Variants in SCAPER observed in about 807,000 individuals in gnomAD.
SCAPER encodes S-phase cyclin A associated protein in the ER.
Under a neutral mutation model 182.2 loss-of-function variants are expected in SCAPER, and 98 were observed. The observed-to-expected ratio is 0.54, with a 90% CI of 0.46 to 0.64. The LOEUF (loss-of-function observed/expected upper bound fraction) is 0.64. SCAPER is among the 30% of genes least tolerant of loss of function. SCAPER has a pLI of 0.00. For synonymous variants in SCAPER, 605 were observed against 564.6 expected (o/e 1.07, Z -1.01); for missense variants, 1,432 against 1,690.0 (o/e 0.85, Z 2.68).
At chr15:76,535,105 TAG>T (rs1444222678) in intron 23 of SCAPER, among the ~76,000 whole-genome samples, 1 of 152,196 alleles carries the variant, frequency 6.6e-6, no homozygotes, top group East Asian at 1.9e-4. Flanking sequence ...ATGCTGGAGT[TAG>T]ACACACTCAG....
intron 1 of SCAPER, among the ~76,000 whole-genome samples, chr15:76,888,572 A>T (rs2073989160): frequency 6.6e-6 from 1 of 152,210 alleles, no homozygotes; most frequent in African/African-American, 2.4e-5. Flanking sequence ...AAGAAAGGAT[A>T]TCAGTGATTG....
At position 76,685,115 on chromosome 15, in the gene SCAPER, A is replaced by C. The variant is rs2057955152; in HGVS notation, c.2508+16643T>G. The stretch of plus-strand genomic sequence containing the variant: ...GGAAATAAATATGTCACTATACTAA[A>C]AGATTAAACAACAAATCCATAAGCC... On this transcript the variant is annotated intron_variant, in intron 20 of 31. Transcript: ENST00000563290. 2.6e-5 allele frequency among the ~76,000 whole-genome samples: 4 copies of C among 152,056 alleles called. No individual in the cohort carries two copies. In the South Asian group the frequency reaches 8.3e-4, roughly 31 times the overall value.
chr15:76,711,028 A>G (rs1441522099), intron 17 of SCAPER, among the ~76,000 whole-genome samples: 1 of 152,136 alleles, frequency 6.6e-6, no homozygotes, highest in Non-Finnish European at 1.5e-5. Flanking sequence ...ATCTATATGC[A>G]AACAAATAAA....
chr15:76,747,577 G>C (rs1287932018), intron 15 of SCAPER, among the ~76,000 whole-genome samples: 1 of 152,106 alleles, frequency 6.6e-6, no homozygotes, highest in African/African-American at 2.4e-5. Flanking sequence ...AATGGGAAGT[G>C]TTTGGGTCAT....
intron 16 of SCAPER, among the ~76,000 whole-genome samples, chr15:76,730,013 T>C (rs546732595): frequency 6.6e-6 from 1 of 152,272 alleles, no homozygotes; most frequent in East Asian, 1.9e-4. Flanking sequence ...TTGGGCAAAG[T>C]ACTTCACCTT....
intron 29 of SCAPER, among the ~76,000 whole-genome samples, chr15:76,370,291 A>ATTTTTTTTT (rs10524497): frequency 1.3e-4 from 15 of 119,452 alleles, no homozygotes; most frequent in South Asian, 2.7e-4. Context: ...TACCATTTCA[A>ATTTTTTTTT]TTTTTTTTTT....
intron 21 of SCAPER, among the ~76,000 whole-genome samples, chr15:76,640,990 G>A (rs529872758): frequency 2.6e-5 from 4 of 152,218 alleles, no homozygotes; most frequent in African/African-American, 4.8e-5. Flanking sequence ...GCCTATAAAC[G>A]GAAGCATGAG....
At chr15:76,799,114 G>A (rs1054530975) in intron 7 of SCAPER, among the ~76,000 whole-genome samples, 3 of 152,096 alleles carry the variant, frequency 2.0e-5, no homozygotes, top group African/African-American at 7.2e-5. Context: ...AATGTAATTT[G>A]TATGACAATA....
At chr15:76,573,578 G>A (rs1041696943) in intron 23 of SCAPER, among the ~76,000 whole-genome samples, 1 of 151,960 alleles carries the variant, frequency 6.6e-6, no homozygotes, top group Non-Finnish European at 1.5e-5. Context: ...ATGTAAAAAA[G>A]TCCAATAAAA....
At chr15:76,472,615 C>T (rs2050278824) in intron 24 of SCAPER, among the ~76,000 whole-genome samples, 1 of 152,180 alleles carries the variant, frequency 6.6e-6, no homozygotes, top group South Asian at 2.1e-4. Context: ...ATCCACCCGC[C>T]TTGGCCTCTC....
chr15:76,557,176 C>A (rs1034831899), intron 23 of SCAPER, among the ~76,000 whole-genome samples: 6 of 152,126 alleles, frequency 3.9e-5, no homozygotes, highest in Admixed American at 1.3e-4. Flanking sequence ...CATGGCCATA[C>A]TGCCCAAAGC....
intron 5 of SCAPER, among the ~76,000 whole-genome samples, chr15:76,809,218 G>A (rs1269981760): frequency 6.6e-6 from 1 of 152,052 alleles, no homozygotes; most frequent in African/African-American, 2.4e-5. Flanking sequence ...AACACTAAGG[G>A]TCAAAGAAAA....
At chr15:76,569,141 A>C (rs906557623) in intron 23 of SCAPER, among the ~76,000 whole-genome samples, 1 of 152,102 alleles carries the variant, frequency 6.6e-6, no homozygotes, top group African/African-American at 2.4e-5. Flanking sequence ...TTTCAAAGGG[A>C]AAATTTTCAA....
chr15:76,706,525 G>C (rs1446165092), intron 17 of SCAPER, among the ~76,000 whole-genome samples: 1 of 152,096 alleles, frequency 6.6e-6, no homozygotes, highest in East Asian at 1.9e-4. Flanking sequence ...TAAAGGTTGA[G>C]GATAAAAATC....
chr15:76,582,523 T>C (rs1266455211), intron 22 of SCAPER, among the ~76,000 whole-genome samples: 1 of 152,230 alleles, frequency 6.6e-6, no homozygotes, highest in Non-Finnish European at 1.5e-5. Flanking sequence ...TATGAAGTAA[T>C]CTACAGTTTC....
At chr15:76,424,086 T>C (rs2046246207) in intron 26 of SCAPER, among the ~76,000 whole-genome samples, 1 of 152,232 alleles carries the variant, frequency 6.6e-6, no homozygotes, top group African/African-American at 2.4e-5. Context: ...CTGAGAAGAA[T>C]GTATATTCTG....
At chr15:76,639,985 T>C (rs540000830) in intron 21 of SCAPER, among the ~76,000 whole-genome samples, 2 of 152,324 alleles carry the variant, frequency 1.3e-5, no homozygotes, top group African/African-American at 2.4e-5. Context: ...TAGCCATACA[T>C]AGGCCTTGGG....
chr15:76,363,594 T>C, intron 29 of SCAPER, among the ~76,000 whole-genome samples: 1 of 152,130 alleles, frequency 6.6e-6, no homozygotes. Flanking sequence ...GAAATGTAAA[T>C]AGTTAAATTT....
chr15:76,426,723 C>T (rs1156608534), intron 26 of SCAPER, among the ~76,000 whole-genome samples: 1 of 152,060 alleles, frequency 6.6e-6, no homozygotes, highest in Admixed American at 6.6e-5. Context: ...TCCTAAAATT[C>T]ATAGAGAACC....
Sources: allele counts gnomAD v4.1 joint callset (sites outside exome capture counted in the v4.1 genomes callset), GRCh38; gene constraint gnomAD v4.1.1; transcripts MANE v1.5; gene names NCBI Gene and HGNC (gene_info 2026-07-23, HGNC 2026-07-21).